HID1: variants seen among roughly 807,000 people sequenced by gnomAD.
The protein encoded by HID1 is protein HID1.
HID1 carries 42 observed loss-of-function variants against 89.7 expected under a neutral mutation model. That is an observed-to-expected ratio of 0.47 (90% confidence interval 0.37 to 0.61). The LOEUF (loss-of-function observed/expected upper bound fraction) is 0.61. HID1 is among the 20% of genes least tolerant of loss of function. The probability of loss-of-function intolerance (pLI) is 0.00; values close to 1 mark genes in which losing one functional copy is unlikely to be tolerated. For missense variants in HID1, 854 were observed against 1,039.3 expected, an observed-to-expected ratio of 0.82 and a Z score of 2.45; for synonymous variants, 442 against 433.8, an observed-to-expected ratio of 1.02 and a Z score of -0.24.
chr17:74,968,472 CCCCCA>C (rs1297654219), intron 1 of HID1, among the ~76,000 whole-genome samples: 1 of 151,514 alleles, frequency 6.6e-6, no homozygotes, highest in African/African-American at 2.4e-5. Flanking sequence ...AGAGCAAACA[CCCCCA>C]CCCCACCCCA....
At chr17:74,969,033 G>A (rs1278317730) in intron 1 of HID1, among the ~76,000 whole-genome samples, 1 of 152,120 alleles carries the variant, frequency 6.6e-6, no homozygotes, top group Non-Finnish European at 1.5e-5. Flanking sequence ...TTGGACATTC[G>A]GATTTGGTGA....
At position 74,962,288 on chromosome 17, in the gene HID1, G is replaced by A. The variant is rs576317687; in HGVS notation, c.557C>T (p.Ala186Val). ...GGGGGAGTGAGCGAAGCCCACACCA[G>A]CCTCCCAGATGTATTCACAGCTGTC... Reference protein sequence around the residue: ...SLDSCEYIWEAGVGFAHSPQP... With the variant: ...SLDSCEYIWEVGVGFAHSPQP... The change falls in exon 5 of 19, where the codon GCT (alanine) becomes GTT (valine). Residue 186 changes from alanine to valine, a missense_variant. Transcript: ENST00000425042. This position sits in a 1 kb window ranked among gnomAD's most constrained non-coding sequence, Gnocchi z 4.3. 3.5e-4 allele frequency: 561 copies of A among 1,612,574 alleles called. 12 individuals are homozygous for A. The South Asian group carries it at 5.9e-3, about 17-fold the overall frequency.
At chr17:74,968,797 C>T (rs563908500) in intron 1 of HID1, among the ~76,000 whole-genome samples, 1 of 152,226 alleles carries the variant, frequency 6.6e-6, no homozygotes. Flanking sequence ...GCTACTACCC[C>T]CTTCAAAGGG....
chr17:74,960,327 A>AG, intron 6 of HID1, 79 bp from the exon 7 acceptor site: 4 of 1,255,924 alleles, frequency 3.2e-6, no homozygotes, highest in Non-Finnish European at 4.4e-6. Context: ...GCCACGTGGG[A>AG]AGGTCAGCCT....
At chr17:74,968,429 C>T (rs2039594842) in intron 1 of HID1, among the ~76,000 whole-genome samples, 1 of 151,972 alleles carries the variant, frequency 6.6e-6, no homozygotes, top group Non-Finnish European at 1.5e-5. Context: ...TCGCATGCCT[C>T]ACCAAGGTCC....
intron 12 of HID1, among the ~76,000 whole-genome samples, chr17:74,956,932 C>T (rs184562142): frequency 6.6e-6 from 1 of 152,340 alleles, no homozygotes; most frequent in Non-Finnish European, 1.5e-5. Context: ...TACACTGTGA[C>T]TCCAAATGTC....
chr17:74,962,451 A>G lies in HID1; in HGVS notation c.505-111T>C. ...CACAGTCCCAGGGGCAGAGACCGCCAGTTCTCCTAAAGACAGGTCCTCAAA... is the reference window on the plus strand; with the variant it reads ...CACAGTCCCAGGGGCAGAGACCGCCGGTTCTCCTAAAGACAGGTCCTCAAA... On this transcript the variant is annotated intron_variant, in intron 4 of 18. Transcript: ENST00000425042. The surrounding 1 kb of genome is among the most constrained non-coding windows in gnomAD (Gnocchi z 4.3). 3 of 636,738 alleles carry G rather than the reference A, an allele frequency of 4.7e-6. No individual in the cohort carries two copies. The highest frequency in any genetic ancestry group is 2.9e-5 in the Admixed American group (1 of 34,560). 39.4% of individuals were successfully genotyped at this position (636,738 alleles called of 1,614,324 possible).
In HID1 at chr17:74,962,240, A is replaced by G. The variant is rs2039493496; in HGVS notation, c.605T>C (p.Met202Thr). 1.9e-6 allele frequency: 3 copies of G among 1,606,676 alleles called. No individual in the cohort carries two copies. The highest frequency in any genetic ancestry group is 1.1e-5 in the South Asian group (1 of 90,728). ...GGGCCTGGGCGAAGCTCACCGGTTC[A>G]TATCGTGGATGTAGTTAGGCTGGGG... ...HSPQPNYIHD[M>T]NRMELLKLLL... The change falls in exon 5 of 19, where the codon ATG becomes ACG. Residue 202 changes from methionine (M) to threonine (T), a missense_variant. Coordinates refer to ENST00000425042, the MANE Select transcript of HID1 (RefSeq NM_030630.3). The surrounding 1 kb of genome is among the most constrained non-coding windows in gnomAD (Gnocchi z 4.3).
intron 6 of HID1, 35 bp downstream of exon 6, chr17:74,961,838 G>C (rs575013765): frequency 3.0e-6 from 4 of 1,329,810 alleles, no homozygotes; most frequent in African/African-American, 1.6e-5. Flanking sequence ...TGGAATAAGA[G>C]GGAAGAGAGC....
intron 1 of HID1, among the ~76,000 whole-genome samples, chr17:74,965,344 C>T (rs902711922): frequency 1.3e-5 from 2 of 152,252 alleles, no homozygotes; most frequent in Non-Finnish European, 2.9e-5. Context: ...CTTCCTCACC[C>T]AGAGCCCTTC....
rs117332710 is a variant in HID1 at position 74,953,769 on chromosome 17, C to G, written c.1865-118G>C. Reference sequence around the variant, plus strand: ...TCCTGCTTCCCTCTGGAACCTCCACCGGCTCTAGAGGCAGTGTCTGATCAC... The same window carrying G: ...TCCTGCTTCCCTCTGGAACCTCCACGGGCTCTAGAGGCAGTGTCTGATCAC... On this transcript the variant is annotated intron_variant, in intron 14 of 18. Transcript: ENST00000425042. 8.9e-3 allele frequency: 6,903 copies of G among 778,684 alleles called. 52 individuals are homozygous for G. The highest frequency in any genetic ancestry group is 0.013 in the Non-Finnish European group (5,825 of 464,536). 48.2% of individuals were successfully genotyped at this position (778,684 alleles called of 1,614,324 possible).
chr17:74,958,743 C>T lies in HID1; in HGVS notation c.1170G>A (p.Leu390=), dbSNP rs142908356. The T allele has an allele frequency of 6.1e-3, 9,850 of 1,604,548 alleles. 215 individuals carry two copies. The highest frequency in any genetic ancestry group is 0.053 in the South Asian group (4,855 of 90,870). Residue 390 remains leucine (L), a synonymous_variant, in exon 10 of 19, where the codon CTG becomes CTA. Transcript: ENST00000425042. The surrounding 1 kb of genome is among the most constrained non-coding windows in gnomAD (Gnocchi z 5.2). ...DFNKKFLFFV[L]KSSDVLDILV... ...GGATGTCTAGGACGTCGCTGCTCTTCAGCACGAAGAAGAGGAATTTCTAGG... is the reference window on the plus strand; with the variant it reads ...GGATGTCTAGGACGTCGCTGCTCTTTAGCACGAAGAAGAGGAATTTCTAGG...
At chr17:74,965,902 A>G (rs1173997908) in intron 1 of HID1, among the ~76,000 whole-genome samples, 1 of 147,940 alleles carries the variant, frequency 6.8e-6, no homozygotes, top group Non-Finnish European at 1.5e-5. Context: ...GGGCAACAAG[A>G]GCAAAACCCC....
chr17:74,958,048 G>GT lies in HID1; in HGVS notation c.1471+92_1471+93insA. 8.8e-7 allele frequency: 1 copy of GT among 1,137,866 alleles called. No individual in the cohort carries two copies. The highest frequency in any genetic ancestry group is 1.3e-6 in the Non-Finnish European group (1 of 783,284). 70.5% of individuals were successfully genotyped at this position (1,137,866 alleles called of 1,614,324 possible). ...AAGCTTGCGTTCTTTCTGTGGGCTGGAGGGGCTTGAAACCTGGAGCAAGTG... is the reference window on the plus strand; with the variant it reads ...AAGCTTGCGTTCTTTCTGTGGGCTGGTAGGGGCTTGAAACCTGGAGCAAGTG... On this transcript the variant is annotated intron_variant, in intron 12 of 18. Transcript: ENST00000425042. This position sits in a 1 kb window ranked among gnomAD's most constrained non-coding sequence, Gnocchi z 5.2.
At chr17:74,970,894 C>CG (rs1567967312) in intron 1 of HID1, 2 of 152,774 alleles carry the variant, frequency 1.3e-5, no homozygotes, top group African/African-American at 2.4e-5. Context: ...CCTCTCCCCC[C>CG]GGGCAGCCCA....
chr17:74,957,750 A>G (rs1030433145), intron 12 of HID1, among the ~76,000 whole-genome samples: 4 of 152,044 alleles, frequency 2.6e-5, no homozygotes, highest in South Asian at 2.1e-4. Context: ...AGATACAAAA[A>G]TTAGCCAGGT....
intron 13 of HID1, chr17:74,954,600 C>A: frequency 1.5e-6 from 1 of 678,160 alleles, no homozygotes; most frequent in East Asian, 2.8e-5. Context: ...CACCCCCGCC[C>A]CAGTGCCTTT....
chr17:74,969,101 T>C (rs1281850402), intron 1 of HID1, among the ~76,000 whole-genome samples: 2 of 152,160 alleles, frequency 1.3e-5, no homozygotes, highest in African/African-American at 4.8e-5. Flanking sequence ...TGAGGCCCCT[T>C]AGGCTTCTAA....
Position 74,953,800 on chromosome 17 carries a change from C to T in HID1, c.1865-149G>A, listed in dbSNP as rs552840624. On this transcript the variant is annotated intron_variant, in intron 14 of 18. Transcript: ENST00000425042. Reference sequence around the variant, plus strand: ...TAGAGGCAGTGTCTGATCACTGTAACGCCCTCTCCTGCGCCCATCCCTCCA... The same window carrying T: ...TAGAGGCAGTGTCTGATCACTGTAATGCCCTCTCCTGCGCCCATCCCTCCA... 484 of 682,944 alleles carry T rather than the reference C, an allele frequency of 7.1e-4. 2 individuals carry two copies. Among genetic ancestry groups the T allele is most frequent in the South Asian group, 4.2e-3 (238 of 56,724 alleles). 42.3% of individuals were successfully genotyped at this position (682,944 alleles called of 1,614,324 possible).
Sources: gnomAD v4.1 joint callset for allele counts (sites outside exome capture counted in the v4.1 genomes callset) on GRCh38, gnomAD v4.1.1 for gene constraint, Gnocchi (gnomAD v3.1) non-coding constraint, MANE v1.5 for transcripts, NCBI Gene and HGNC (gene_info 2026-07-23, HGNC 2026-07-21) for gene names.